FRMPD4: variants seen among roughly 807,000 people sequenced by gnomAD.
FRMPD4 encodes FERM and PDZ domain-containing protein 4.
A neutral mutation model predicts 94.1 loss-of-function variants in FRMPD4; 22 were observed. That is an observed-to-expected ratio of 0.23 (90% confidence interval 0.17 to 0.33). The LOEUF (loss-of-function observed/expected upper bound fraction) is 0.33, where lower values mean the gene tolerates loss of function less well. FRMPD4 is among the 10% of genes least tolerant of loss of function. The pLI is 1.00. For missense variants in FRMPD4, 1,111 were observed against 1,339.9 expected (o/e 0.83, Z 2.67); for synonymous variants, 631 against 548.6 (o/e 1.15, Z -2.10).
intron 1 of FRMPD4, among the ~76,000 whole-genome samples, chrX:12,164,963 G>A (rs1214438278): frequency 8.9e-6 from 1 of 111,994 alleles, no homozygotes; most frequent in Non-Finnish European, 1.9e-5. Flanking sequence ...TTTGTCAGAT[G>A]AGTAGGTTGC....
At chrX:12,510,003 G>A (rs1405109732) in intron 2 of FRMPD4, among the ~76,000 whole-genome samples, 2 of 112,035 alleles carry the variant, frequency 1.8e-5, no homozygotes, top group Non-Finnish European at 3.8e-5. Flanking sequence ...CTCTGTGATG[G>A]TGGATTATCA....
chrX:12,110,474 GC>G (rs779358979), intron 3 of FRMPD4, among the ~76,000 whole-genome samples: 11 of 111,672 alleles, frequency 9.9e-5, no homozygotes, highest in Non-Finnish European at 2.1e-4. Flanking sequence ...TACTGAATGG[GC>G]AAAAACTGGA....
chrX:12,618,532 C>T (rs2059257168), intron 4 of FRMPD4, among the ~76,000 whole-genome samples: 1 of 111,218 alleles, frequency 9.0e-6, no homozygotes. Context: ...TAGCCATCAA[C>T]GCGAAGTGGA....
chrX:12,723,646 C>A lies in FRMPD4; in HGVS notation c.*1788C>A, dbSNP rs1027228423. The A allele has an allele frequency of 9.0e-6, 1 of 111,477 alleles. No homozygotes were observed. The allele number at this position is 111,477 out of a possible 1,213,427, so 9.2% of individuals were successfully genotyped here. A position where few individuals can be genotyped will look rare whatever the true frequency, so the allele number is the denominator to read the frequency against. On this transcript the variant is annotated 3_prime_UTR_variant, in exon 17 of 17. Coordinates refer to ENST00000675598, the MANE Select transcript of FRMPD4 (RefSeq NM_001368397.1). Reference sequence around the variant, plus strand: ...TCATTCTGTGTACTAAAATCCTAACCTATTAATAGGATGTGTGCCCTATGT... The same window carrying A: ...TCATTCTGTGTACTAAAATCCTAACATATTAATAGGATGTGTGCCCTATGT...
At chrX:12,607,772 TTC>T (rs1268298551) in intron 2 of FRMPD4, among the ~76,000 whole-genome samples, 1 of 112,380 alleles carries the variant, frequency 8.9e-6, no homozygotes, top group African/African-American at 3.2e-5. Context: ...CAACTAACAC[TTC>T]TCTTTTTCCT....
intron 4 of FRMPD4, among the ~76,000 whole-genome samples, chrX:12,661,225 C>A (rs1240207780): frequency 8.9e-6 from 1 of 112,397 alleles, no homozygotes; most frequent in African/African-American, 3.2e-5. Flanking sequence ...TGAAGGTCAT[C>A]TTTAGATCCC....
intron 1 of FRMPD4, among the ~76,000 whole-genome samples, chrX:12,343,802 C>T (rs989499165): frequency 9.0e-6 from 1 of 111,689 alleles, no homozygotes; most frequent in Non-Finnish European, 1.9e-5. Flanking sequence ...TGGAGAAAAT[C>T]GCTACAGCAG....
At chrX:12,674,730 T>G (rs2059878888) in intron 4 of FRMPD4, 133 bp from the exon 5 acceptor site, 1 of 511,459 alleles carries the variant, frequency 2.0e-6, no homozygotes, top group Non-Finnish European at 3.5e-6. Flanking sequence ...CTGAGCTATT[T>G]GGTTTACTCT....
intron 1 of FRMPD4, among the ~76,000 whole-genome samples, chrX:12,221,711 C>T (rs1291801403): frequency 8.9e-6 from 1 of 111,803 alleles, no homozygotes; most frequent in Non-Finnish European, 1.9e-5. Flanking sequence ...ATCAACTGGC[C>T]TTCATGAAGA....
chrX:12,168,623 T>C (rs1391529573), intron 1 of FRMPD4, among the ~76,000 whole-genome samples: 3 of 31,173 alleles, frequency 9.6e-5, no homozygotes, highest in Non-Finnish European at 2.1e-4. Context: ...ACACTGACCC[T>C]TTTTTTTTTT....
intron 13 of FRMPD4, among the ~76,000 whole-genome samples, chrX:12,708,484 ACAC>A (rs1399801715): frequency 0.021 from 2,210 of 103,328 alleles, 80 homozygotes; most frequent in African/African-American, 0.084. Flanking sequence ...AAAAAAAAAA[ACAC>A]AAAAATCTGA....
intron 1 of FRMPD4, among the ~76,000 whole-genome samples, chrX:12,370,086 A>G (rs2056142620): frequency 8.9e-6 from 1 of 111,899 alleles, no homozygotes; most frequent in Non-Finnish European, 1.9e-5. Flanking sequence ...ATTTTTTAAG[A>G]AAAATCTTTT....
intron 1 of FRMPD4, among the ~76,000 whole-genome samples, chrX:12,161,806 A>G (rs1156665169): frequency 1.8e-5 from 2 of 112,019 alleles, no homozygotes; most frequent in Non-Finnish European, 3.8e-5. Context: ...ATATATTTCT[A>G]GAGCTATAGA....
At chrX:12,591,843 A>G (rs181482057) in intron 2 of FRMPD4, among the ~76,000 whole-genome samples, 86 of 111,822 alleles carry the variant, frequency 7.7e-4, no homozygotes, top group African/African-American at 2.8e-3. Context: ...AGGACTTGAT[A>G]CCTCAAAGTA....
rs778961673 is a variant in FRMPD4, at chrX:12,371,459, C to CTGAT, written c.42-127219_42-127216dup. 1.9e-4 allele frequency among the ~76,000 whole-genome samples: 21 copies of CTGAT among 112,606 alleles called. No homozygotes were observed. In the South Asian group the frequency reaches 5.1e-3, roughly 28 times the overall value. On this transcript the variant is annotated intron_variant, in intron 1 of 16. Transcript: ENST00000675598. ...CCCTCATTAACCCTTATTTTCTAAA[C>CTGAT]TGATTTACTTGTGGCTTAAAAAACT...
chrX:11,926,258 CAAAAAAAA>C (rs763084115), intron 3 of FRMPD4, among the ~76,000 whole-genome samples: 3 of 30,709 alleles, frequency 9.8e-5, no homozygotes, highest in Middle Eastern at 0.039. Flanking sequence ...GCTTACCAAC[CAAAAAAAA>C]AAAAAAAAAA....
At chrX:12,044,853 G>A (rs1332159094) in intron 3 of FRMPD4, among the ~76,000 whole-genome samples, 1 of 111,818 alleles carries the variant, frequency 8.9e-6, no homozygotes, top group African/African-American at 3.2e-5. Context: ...AAAATGCTAT[G>A]GAAATGAAAG....
chrX:12,537,273 A>G (rs1602090572), intron 2 of FRMPD4, among the ~76,000 whole-genome samples: 1 of 110,773 alleles, frequency 9.0e-6, no homozygotes, highest in African/African-American at 3.3e-5. Flanking sequence ...CTCCAAATTC[A>G]TTGCTCTCTG....
chrX:12,318,526 A>G (rs1370385547), intron 1 of FRMPD4, among the ~76,000 whole-genome samples: 3 of 111,641 alleles, frequency 2.7e-5, no homozygotes, highest in African/African-American at 9.8e-5. Flanking sequence ...TCTGTCTCAA[A>G]ACAAACAAAC....
Sources: allele counts gnomAD v4.1 joint callset (sites outside exome capture counted in the v4.1 genomes callset), GRCh38; gene constraint gnomAD v4.1.1; transcripts MANE v1.5; gene names NCBI Gene and HGNC (gene_info 2026-07-23, HGNC 2026-07-21).